The following NKD2 variants were observed in gnomAD, a reference collection of about 807,000 sequenced individuals.
NKD2 encodes protein naked cuticle homolog 2.
In NKD2, 43 loss-of-function variants were observed where a neutral mutation model predicts 34.8. The observed-to-expected ratio is 1.24, with a 90% CI of 0.97 to 1.60. The LOEUF (loss-of-function observed/expected upper bound fraction) is 1.60. Among genes scored for constraint, NKD2 ranks in the 40% most tolerant of loss-of-function variants. The pLI is 0.00. For synonymous variants in NKD2, 278 were observed against 265.1 expected (o/e 1.05, Z -0.47); for missense variants, 675 against 627.1 (o/e 1.08, Z -0.82).
At position 1,034,576 on chromosome 5, in the gene NKD2, C is replaced by T. The variant is rs147958840; in HGVS notation, c.427-180C>T. 4.6e-5 allele frequency among the ~76,000 whole-genome samples: 7 copies of T among 152,328 alleles called. No homozygotes were observed. The East Asian group carries it at 1.4e-3, about 29-fold the overall frequency. On this transcript the variant is annotated intron_variant, in intron 6 of 9. Transcript: ENST00000296849. The stretch of plus-strand genomic sequence containing the variant: ...GCCCTCAGGGCACTGGAGGCGCTCA[C>T]AGGGCCACCTGGGCAGACCCAGGCT...
chr5:1,027,194 C>T (rs114034453), intron 3 of NKD2, among the ~76,000 whole-genome samples: 1,580 of 152,352 alleles, frequency 0.01, 22 homozygotes, highest in African/African-American at 0.035. Flanking sequence ...GAGCCAGGGG[C>T]TCCACCCAAC....
chr5:1,033,164 G>T (rs1448904500), intron 4 of NKD2, among the ~76,000 whole-genome samples: 1 of 152,174 alleles, frequency 6.6e-6, no homozygotes, highest in African/African-American at 2.4e-5. Flanking sequence ...GGCCACCGTG[G>T]GCTGGTGAGA....
At position 1,011,021 on chromosome 5, in the gene NKD2, G is replaced by A. The variant is rs565052671; in HGVS notation, c.141+1461G>A. Among the ~76,000 whole-genome samples the A allele has an allele frequency of 1.8e-4, 27 of 152,354 alleles. 1 individual carries two copies. Among genetic ancestry groups the A allele is most frequent in the Middle Eastern group, 3.4e-3 (1 of 294 alleles). On this transcript the variant is annotated intron_variant, in intron 3 of 9. Transcript: ENST00000296849. ...CTCCTCATGTGACTACGATGTCAGC[G>A]TGAGGGCTGCTCGTGGGCGTTTAGA...
At chr5:1,032,906 TCATC>T (rs1756700768) in intron 4 of NKD2, among the ~76,000 whole-genome samples, 1 of 152,208 alleles carries the variant, frequency 6.6e-6, no homozygotes, top group East Asian at 1.9e-4. Context: ...AGAGGACTGT[TCATC>T]CATCCTGCCC....
rs34805572 is a variant in NKD2, at chr5:1,034,246, C to T, written c.342C>T (p.Cys114=). 2.8e-3 allele frequency: 4,525 copies of T among 1,611,480 alleles called. 13 individuals carry two copies. The highest frequency in any genetic ancestry group is 3.2e-3 in the Non-Finnish European group (3,831 of 1,179,506). ...GQRLNIDALQ[C]DVSVEEDDRQ... Reference sequence around the variant, plus strand: ...ACGTCCCCCCACAGGCACTCCAGTGCGATGTCTCGGTGGAGGAGGACGACC... The same window carrying T: ...ACGTCCCCCCACAGGCACTCCAGTGTGATGTCTCGGTGGAGGAGGACGACC... The change falls in exon 6 of 10, where the codon TGC becomes TGT. Residue 114 remains cysteine (C), a synonymous_variant. Transcript: ENST00000296849.
At chr5:1,024,974 T>C (rs369336090) in intron 3 of NKD2, among the ~76,000 whole-genome samples, 1 of 4,598 alleles carries the variant, frequency 2.2e-4, no homozygotes, top group African/African-American at 2.3e-4. Flanking sequence ...TGTGGGCGTC[T>C]CAGCCCGTTG....
chr5:1,035,597 C>T (rs1398228878), intron 8 of NKD2, 124 bp downstream of exon 8: 10 of 712,120 alleles, frequency 1.4e-5, no homozygotes, highest in South Asian at 7.2e-5. Context: ...CTGCAGGGGG[C>T]ACCTGGTCCA....
In NKD2 at chr5:1,038,029, G is replaced by T. The variant is rs776447917; in HGVS notation, c.1012G>T (p.Gly338Trp). The change falls in exon 10 of 10, where the codon GGG becomes TGG. Residue 338 changes from glycine to tryptophan, a missense_variant. Physicochemically the swap from Gly to Trp is radical, Grantham distance 184. Coordinates refer to ENST00000296849, the MANE Select transcript of NKD2 (RefSeq NM_033120.4). This position sits in a 1 kb window ranked among gnomAD's most constrained non-coding sequence, Gnocchi z 4.5. ...GTTCCTCAAGTCCCCCAAGGGCTCC[G>T]GGAAGCCGCCTGGGGTGCCAGCCAG... ...KQFLKSPKGS[G>W]KPPGVPASSK... is the part of the protein sequence containing the mutation. 7.5e-6 allele frequency: 12 copies of T among 1,608,860 alleles called. No homozygotes were observed. Among genetic ancestry groups the T allele is most frequent in the Non-Finnish European group, 8.5e-6 (10 of 1,179,034 alleles).
At chr5:1,016,264 A>G (rs1755949013) in intron 3 of NKD2, among the ~76,000 whole-genome samples, 1 of 152,246 alleles carries the variant, frequency 6.6e-6, no homozygotes, top group Admixed American at 6.5e-5. Flanking sequence ...AGCTGCACCC[A>G]TGCTGGCTGA....
chr5:1,010,078 G>C (rs1755691673), intron 3 of NKD2, among the ~76,000 whole-genome samples: 1 of 152,192 alleles, frequency 6.6e-6, no homozygotes, highest in African/African-American at 2.4e-5. Context: ...CCTGCTAGAG[G>C]CTCAGGAGAC....
chr5:1,020,031 A>G (rs1302824671), intron 3 of NKD2, among the ~76,000 whole-genome samples: 1 of 152,126 alleles, frequency 6.6e-6, no homozygotes, highest in Non-Finnish European at 1.5e-5. Flanking sequence ...TCTGGATGGT[A>G]AGCTGAGGGT....
chr5:1,009,604 C>A lies in NKD2; in HGVS notation c.141+44C>A. The A allele has an allele frequency of 7.3e-7, 1 of 1,378,594 alleles. No individual in the cohort carries two copies. Among genetic ancestry groups the A allele is most frequent in the South Asian group, 1.6e-5 (1 of 62,620 alleles). The allele number at this position is 1,378,594 out of a possible 1,614,324, so 85.4% of individuals were successfully genotyped here. ...GCTGGGGTCGCGCTGCGCACCCGCCCGGGGGCGGGGAGCGGTGTCAGAGCT... is the reference window on the plus strand; with the variant it reads ...GCTGGGGTCGCGCTGCGCACCCGCCAGGGGGCGGGGAGCGGTGTCAGAGCT... On this transcript the variant is annotated intron_variant, in intron 3 of 9. Transcript: ENST00000296849. This position sits in a 1 kb window ranked among gnomAD's most constrained non-coding sequence, Gnocchi z 6.9.
Position 1,037,803 on chromosome 5 carries a change from AG to A in NKD2, c.789del. On this transcript the variant is annotated splice_acceptor_variant, in intron 9 of 9. Transcript: ENST00000296849. LOFTEE classifies it high-confidence loss of function. Reference sequence around the variant, plus strand: ...GCCTCACACTCTGACCTGTGTCCGCAGGGTCCCCTCCTGTGCAAGCAAAGCA... The same window carrying A: ...GCCTCACACTCTGACCTGTGTCCGCAGGTCCCCTCCTGTGCAAGCAAAGCA... 4 of 1,566,722 alleles carry A rather than the reference AG, an allele frequency of 2.6e-6. No individual in the cohort carries two copies. Among genetic ancestry groups the A allele is most frequent in the Non-Finnish European group, 3.4e-6 (4 of 1,159,868 alleles).
At chr5:1,035,089 TGAATG>T (rs1391907850) in intron 7 of NKD2, among the ~76,000 whole-genome samples, 186 bp downstream of exon 7, 3 of 152,258 alleles carry the variant, frequency 2.0e-5, no homozygotes, top group Non-Finnish European at 4.4e-5. Context: ...AGCAGATTAA[TGAATG>T]AATGAACAAG....
intron 3 of NKD2, among the ~76,000 whole-genome samples, chr5:1,011,012 G>A (rs1275265344): frequency 6.6e-6 from 1 of 152,230 alleles, no homozygotes; most frequent in African/African-American, 2.4e-5. Flanking sequence ...ATGTGACTAC[G>A]ATGTCAGCGT....
Position 1,038,886 on chromosome 5 carries a change from C to G in NKD2, c.*513C>G, listed in dbSNP as rs758541879. The G allele has an allele frequency of 8.1e-5, 20 of 247,206 alleles. No homozygotes were observed. Among genetic ancestry groups the G allele is most frequent in the Non-Finnish European group, 1.3e-4 (17 of 132,026 alleles). 15.3% of individuals were successfully genotyped at this position (247,206 alleles called of 1,614,324 possible). A position where few individuals can be genotyped will look rare whatever the true frequency, so the allele number is the denominator to read the frequency against. Reference sequence around the variant, plus strand: ...CAGCTTGTGCTTAGCAGGGAGCATCCGCGGCTCCCCGCAGGAGGCCAAGCA... The same window carrying G: ...CAGCTTGTGCTTAGCAGGGAGCATCGGCGGCTCCCCGCAGGAGGCCAAGCA... On this transcript the variant is annotated 3_prime_UTR_variant, in exon 10 of 10. Coordinates refer to ENST00000296849, the MANE Select transcript of NKD2 (RefSeq NM_033120.4). This position sits in a 1 kb window ranked among gnomAD's most constrained non-coding sequence, Gnocchi z 4.5.
chr5:1,011,834 G>A (rs1171584367), intron 3 of NKD2, among the ~76,000 whole-genome samples: 1 of 152,222 alleles, frequency 6.6e-6, no homozygotes, highest in Non-Finnish European at 1.5e-5. Flanking sequence ...CTGCACCCCC[G>A]ACGTGGCTCT....
intron 3 of NKD2, among the ~76,000 whole-genome samples, chr5:1,021,523 GCA>G (rs1034019729): frequency 2.0e-5 from 3 of 151,408 alleles, no homozygotes; most frequent in African/African-American, 7.3e-5. Context: ...AGGAACTGGC[GCA>G]CAGTGTTGCT....
chr5:1,009,024 T>C lies in NKD2; in HGVS notation c.-34T>C, dbSNP rs1236726939. 2 of 428,846 alleles carry C rather than the reference T, an allele frequency of 4.7e-6. No individual in the cohort carries two copies. The highest frequency in any genetic ancestry group is 8.1e-6 in the Non-Finnish European group (2 of 246,964). 26.6% of individuals were successfully genotyped at this position (428,846 alleles called of 1,614,324 possible). A position where few individuals can be genotyped will look rare whatever the true frequency, so the allele number is the denominator to read the frequency against. On this transcript the variant is annotated 5_prime_UTR_variant, in exon 1 of 10. The change abolishes the stop of an existing upstream ORF in the 5' untranslated region. Transcript: ENST00000296849. The surrounding 1 kb of genome is among the most constrained non-coding windows in gnomAD (Gnocchi z 6.9). ...CGGCTTCAGAACTCAGCCCTGCACC[T>C]GAGCGCGGGGCCCGGCGGGGCGTGG...
Sources: allele counts gnomAD v4.1 joint callset (sites outside exome capture counted in the v4.1 genomes callset), GRCh38; gene constraint gnomAD v4.1.1; non-coding constraint Gnocchi (gnomAD v3.1); transcripts MANE v1.5; gene names NCBI Gene and HGNC (gene_info 2026-07-23, HGNC 2026-07-21).